CCDC57: variants seen among roughly 807,000 people sequenced by gnomAD.
CCDC57 encodes coiled-coil domain-containing protein 57.
In CCDC57, 118 loss-of-function variants were observed where a neutral mutation model predicts 118.9. That is an observed-to-expected ratio of 0.99 (90% CI 0.86 to 1.16). The LOEUF (loss-of-function observed/expected upper bound fraction) is 1.16. Ranked by LOEUF, CCDC57 falls within the 50% of genes most tolerant of loss-of-function variation. The pLI is 0.00. For synonymous variants in CCDC57, 527 were observed against 532.9 expected (o/e 0.99, Z 0.15); for missense variants, 1,300 against 1,320.7 (o/e 0.98, Z 0.24).
intron 19 of CCDC57, among the ~76,000 whole-genome samples, chr17:82,109,872 GA>G (rs2035126012): frequency 6.7e-6 from 1 of 148,980 alleles, no homozygotes; most frequent in Non-Finnish European, 1.5e-5. Context: ...AATAAAAAAT[GA>G]AAAAAACAAA....
At chr17:82,138,824 C>G (rs1018999579) in intron 16 of CCDC57, among the ~76,000 whole-genome samples, 1 of 152,200 alleles carries the variant, frequency 6.6e-6, no homozygotes, top group Non-Finnish European at 1.5e-5. Context: ...ATTAGAGTCC[C>G]GAAGCCATTT....
intron 19 of CCDC57, among the ~76,000 whole-genome samples, chr17:82,121,786 C>T (rs2036722091): frequency 6.6e-6 from 1 of 152,166 alleles, no homozygotes; most frequent in Non-Finnish European, 1.5e-5. Flanking sequence ...GGATATGGAC[C>T]CCTCAGTTCT....
chr17:82,140,682 A>C (rs192779206), intron 16 of CCDC57, among the ~76,000 whole-genome samples: 2 of 152,352 alleles, frequency 1.3e-5, no homozygotes, highest in African/African-American at 4.8e-5. Context: ...AAGGCCCTGC[A>C]TGGAAGGCCA....
intron 19 of CCDC57, among the ~76,000 whole-genome samples, chr17:82,116,628 C>T (rs956500163): frequency 6.6e-6 from 1 of 152,212 alleles, no homozygotes; most frequent in African/African-American, 2.4e-5. Context: ...CCTTGGGACC[C>T]TCAGCTATGG....
intron 7 of CCDC57, 136 bp downstream of exon 6, chr17:82,193,620 C>T (rs2047943124): frequency 1.5e-6 from 1 of 667,492 alleles, no homozygotes; most frequent in Non-Finnish European, 2.6e-6. Flanking sequence ...AGAAAGAAAT[C>T]CAAAACAGCG....
At chr17:82,144,229 T>C (rs8066370) in intron 16 of CCDC57, among the ~76,000 whole-genome samples, 71,108 of 151,858 alleles carry the variant, frequency 0.47, 17,447 homozygotes, top group East Asian at 0.88. Flanking sequence ...AAGATTGCTT[T>C]AGCCCAAGAA....
At chr17:82,200,548 C>T (rs543659436) in intron 3 of CCDC57, among the ~76,000 whole-genome samples, 198 of 152,058 alleles carry the variant, frequency 1.3e-3, no homozygotes, top group Non-Finnish European at 2.3e-3. Context: ...CTTCAGGAAG[C>T]CAAGGCCAGT....
intron 19 of CCDC57, chr17:82,127,136 T>TA: frequency 1.0e-6 from 1 of 985,436 alleles, no homozygotes; most frequent in Non-Finnish European, 1.2e-6. Flanking sequence ...ACCAGGCCTA[T>TA]GACTTAGGTG....
chr17:82,195,639 GA>G (rs2048212173), intron 4 of CCDC57, among the ~76,000 whole-genome samples: 2 of 151,814 alleles, frequency 1.3e-5, no homozygotes, highest in African/African-American at 4.8e-5. Flanking sequence ...AAAAGAAAAA[GA>G]AAAATCCTTA....
intron 2 of CCDC57, among the ~76,000 whole-genome samples, chr17:82,206,002 A>G (rs1481406320): frequency 6.6e-6 from 1 of 152,254 alleles, no homozygotes; most frequent in Non-Finnish European, 1.5e-5. Flanking sequence ...GCACGGACTC[A>G]GCATCTGGAC....
At chr17:82,119,094 G>A (rs1469267767) in intron 19 of CCDC57, among the ~76,000 whole-genome samples, 1 of 80,562 alleles carries the variant, frequency 1.2e-5, no homozygotes, top group Non-Finnish European at 2.4e-5. Flanking sequence ...CGGGAGGTGG[G>A]GGCGGGGGTG....
rs2036198009 is a variant in CCDC57, at chr17:82,118,361, T to C, written c.2899+9331A>G. ...GGACTGAAACCCGATGTGGGTGTTATCCATTAGCGCAGGACTGAAACCTGA... is the reference window on the plus strand; with the variant it reads ...GGACTGAAACCCGATGTGGGTGTTACCCATTAGCGCAGGACTGAAACCTGA... On this transcript the variant is annotated intron_variant, in intron 19 of 19. Transcript: ENST00000665763. The surrounding 1 kb of genome is among the most constrained non-coding windows in gnomAD (Gnocchi z 4.7). 6.6e-6 allele frequency among the ~76,000 whole-genome samples: 1 copy of C among 152,116 alleles called. No individual in the cohort carries two copies. The highest frequency in any genetic ancestry group is 2.4e-5 in the African/African-American group (1 of 41,402).
chr17:82,117,467 C>G (rs916090293), intron 19 of CCDC57, among the ~76,000 whole-genome samples: 4 of 152,266 alleles, frequency 2.6e-5, no homozygotes, highest in East Asian at 1.9e-4. Context: ...ATGGCAAGAT[C>G]CTGTCTACAA....
chr17:82,195,559 G>A (rs1437634728), intron 4 of CCDC57, among the ~76,000 whole-genome samples, 195 bp from the exon 4 acceptor site: 1 of 151,846 alleles, frequency 6.6e-6, no homozygotes. Context: ...CGGGAGGATC[G>A]CTTGAGCCCA....
At chr17:82,184,029 G>GCTCACACACA in intron 8 of CCDC57, 97 bp from the exon 8 acceptor site, 1 of 235,814 alleles carries the variant, frequency 4.2e-6, no homozygotes, top group Non-Finnish European at 7.5e-6. Context: ...GCGCGCGCGC[G>GCTCACACACA]CGCACACACA....
At chr17:82,200,980 TGGG>T (rs1306819232) in intron 3 of CCDC57, among the ~76,000 whole-genome samples, 1 of 152,044 alleles carries the variant, frequency 6.6e-6, no homozygotes, top group Non-Finnish European at 1.5e-5. Context: ...ACTTCTGAAG[TGGG>T]GGATGGAAGA....
At chr17:82,108,914 T>C (rs997045766) in intron 19 of CCDC57, 3 of 152,346 alleles carry the variant, frequency 2.0e-5, no homozygotes, top group Non-Finnish European at 2.9e-5. Flanking sequence ...GTGCTCACAC[T>C]CTTTAAGCTG....
chr17:82,208,228 A>G (rs2049898062), intron 1 of CCDC57, among the ~76,000 whole-genome samples: 1 of 151,580 alleles, frequency 6.6e-6, no homozygotes, highest in African/African-American at 2.4e-5. Flanking sequence ...TATTTTTATG[A>G]CCTCCATGTA....
At chr17:82,108,071 C>G (rs1213466493) in intron 19 of CCDC57, among the ~76,000 whole-genome samples, 1 of 152,238 alleles carries the variant, frequency 6.6e-6, no homozygotes, top group African/African-American at 2.4e-5. Context: ...GCCTCCTTGC[C>G]TCTGTCCACG....
Sources: allele counts gnomAD v4.1 joint callset (sites outside exome capture counted in the v4.1 genomes callset), GRCh38; gene constraint gnomAD v4.1.1; non-coding constraint Gnocchi (gnomAD v3.1); transcripts MANE v1.5; gene names NCBI Gene and HGNC (gene_info 2026-07-23, HGNC 2026-07-21).